The following STIM2 variants were observed in gnomAD, a reference collection of about 807,000 sequenced individuals.
STIM2 encodes the protein stromal interaction molecule 2.
In STIM2, 31 loss-of-function variants were observed where a neutral mutation model predicts 85.8. The ratio of observed to expected loss-of-function variants is 0.36; its 90% CI spans 0.27 to 0.49. STIM2 has a LOEUF of 0.49. Among genes scored for constraint, STIM2 ranks in the 20% least tolerant of loss-of-function variants. STIM2 has a pLI of 0.98. For missense variants in STIM2, 841 were observed against 927.6 expected, an observed-to-expected ratio of 0.91 and a Z score of 1.21; for synonymous variants, 356 against 331.1, an observed-to-expected ratio of 1.08 and a Z score of -0.82.
intron 2 of STIM2, among the ~76,000 whole-genome samples, chr4:26,949,686 A>G (rs1475221681): frequency 6.6e-6 from 1 of 152,016 alleles, no homozygotes; most frequent in Admixed American, 6.6e-5. Flanking sequence ...CAGGGTCTTT[A>G]TGGTTGAATT....
At chr4:26,884,601 A>C (rs191983188) in intron 1 of STIM2, among the ~76,000 whole-genome samples, 1 of 152,332 alleles carries the variant, frequency 6.6e-6, no homozygotes, top group East Asian at 1.9e-4. Flanking sequence ...TAGGCAGGGT[A>C]ATGTACAAGC....
At chr4:26,894,621 TGA>T (rs994922085) in intron 1 of STIM2, among the ~76,000 whole-genome samples, 1 of 152,166 alleles carries the variant, frequency 6.6e-6, no homozygotes, top group African/African-American at 2.4e-5. Context: ...TGTATGTGTG[TGA>T]GTCTGTTCTG....
intron 3 of STIM2, among the ~76,000 whole-genome samples, chr4:26,972,644 G>A (rs1243217859): frequency 6.6e-6 from 1 of 152,194 alleles, no homozygotes; most frequent in Non-Finnish European, 1.5e-5. Context: ...CGGTTTGCCA[G>A]TATTTTATTG....
At chr4:26,993,251 C>A (rs758577092) in intron 3 of STIM2, among the ~76,000 whole-genome samples, 16 of 152,050 alleles carry the variant, frequency 1.1e-4, no homozygotes, top group Non-Finnish European at 2.4e-4. Flanking sequence ...GTGGAAAACA[C>A]CCAGGGCCTG....
intron 1 of STIM2, among the ~76,000 whole-genome samples, chr4:26,869,227 A>G (rs1722515852): frequency 6.7e-6 from 1 of 149,672 alleles, no homozygotes; most frequent in Admixed American, 6.7e-5. Flanking sequence ...AGCCTGGGGG[A>G]AGTTAAGTCT....
chr4:26,866,129 C>G (rs1022299554), intron 1 of STIM2, among the ~76,000 whole-genome samples: 1 of 152,136 alleles, frequency 6.6e-6, no homozygotes, highest in South Asian at 2.1e-4. Context: ...CACCCAGGTA[C>G]TGAGCATAGT....
intron 3 of STIM2, among the ~76,000 whole-genome samples, chr4:26,988,540 C>G (rs1389525131): frequency 6.6e-6 from 1 of 152,178 alleles, no homozygotes; most frequent in Non-Finnish European, 1.5e-5. Flanking sequence ...ATTAGGACCA[C>G]TTAGCTTATT....
chr4:26,890,595 C>T (rs1194783488), intron 1 of STIM2, among the ~76,000 whole-genome samples: 3 of 151,978 alleles, frequency 2.0e-5, no homozygotes, highest in South Asian at 2.1e-4. Context: ...GAGGCCGAGG[C>T]GGGTGGATCA....
chr4:26,897,170 C>T (rs73116657), intron 1 of STIM2, among the ~76,000 whole-genome samples: 5,758 of 152,176 alleles, frequency 0.038, 253 homozygotes, highest in African/African-American at 0.11. Flanking sequence ...CATTCATGTC[C>T]AGGAGTGATG....
At chr4:26,961,207 G>A (rs896363555) in intron 3 of STIM2, among the ~76,000 whole-genome samples, 2 of 152,084 alleles carry the variant, frequency 1.3e-5, no homozygotes, top group South Asian at 2.1e-4. Flanking sequence ...GATGAGAACC[G>A]AGCAACAAGC....
intron 2 of STIM2, among the ~76,000 whole-genome samples, chr4:26,919,977 C>T (rs1021400074): frequency 6.6e-6 from 1 of 152,150 alleles, no homozygotes; most frequent in African/African-American, 2.4e-5. Flanking sequence ...TATTATTTCT[C>T]CTGATTCTGT....
At chr4:26,887,689 A>T (rs1449170997) in intron 1 of STIM2, among the ~76,000 whole-genome samples, 1 of 152,192 alleles carries the variant, frequency 6.6e-6, no homozygotes, top group African/African-American at 2.4e-5. Context: ...ACCAGAAGGA[A>T]TGAATGTATA....
intron 1 of STIM2, among the ~76,000 whole-genome samples, chr4:26,892,787 G>C (rs182531385): frequency 1.1e-3 from 164 of 152,252 alleles, no homozygotes; most frequent in African/African-American, 3.6e-3. Flanking sequence ...GAGTGAAAGT[G>C]TATTGCCTTT....
At chr4:26,862,585 T>C (rs1560546908) in intron 1 of STIM2, among the ~76,000 whole-genome samples, 1 of 152,216 alleles carries the variant, frequency 6.6e-6, no homozygotes, top group Non-Finnish European at 1.5e-5. Flanking sequence ...TGGTAAACTT[T>C]AAAAGCTTTG....
intron 2 of STIM2, among the ~76,000 whole-genome samples, chr4:26,932,300 A>G (rs2109075236): frequency 6.6e-6 from 1 of 152,348 alleles, no homozygotes; most frequent in Non-Finnish European, 1.5e-5. Context: ...CGTCTGTTTG[A>G]CAAGGAACTT....
At chr4:27,015,869 A>G (rs978491016) in intron 10 of STIM2, among the ~76,000 whole-genome samples, 1 of 151,202 alleles carries the variant, frequency 6.6e-6, no homozygotes, top group African/African-American at 2.4e-5. Flanking sequence ...AAAAAAAAAC[A>G]CTAGCCATTA....
chr4:26,888,963 A>G (rs141320428), intron 1 of STIM2, among the ~76,000 whole-genome samples: 8 of 152,318 alleles, frequency 5.3e-5, no homozygotes, highest in South Asian at 2.1e-4. Flanking sequence ...TGAGGAGTTC[A>G]AAGTGGCCAG....
chr4:26,915,394 C>T (rs1724498617), intron 1 of STIM2, among the ~76,000 whole-genome samples: 2 of 152,076 alleles, frequency 1.3e-5, no homozygotes, highest in South Asian at 4.1e-4. Flanking sequence ...GCCACTATGC[C>T]CGGCTAATTT....
rs142372644 is a variant in STIM2, at chr4:26,897,430, T to C, written c.152-22074T>C. ...TCTGTCATCTCTGTATCCTCTTTTT[T>C]CATGTCTTTCACTGCTTTTCTAATT... On this transcript the variant is annotated intron_variant, in intron 1 of 11. Transcript: ENST00000467087. Among the ~76,000 whole-genome samples, 22 of 152,368 alleles carry C rather than the reference T, an allele frequency of 1.4e-4. No individual in the cohort carries two copies. The East Asian group carries it at 4.2e-3, about 29-fold the overall frequency.
Sources: allele counts gnomAD v4.1 joint callset (sites outside exome capture counted in the v4.1 genomes callset), GRCh38; gene constraint gnomAD v4.1.1; transcripts MANE v1.5; gene names NCBI Gene and HGNC (gene_info 2026-07-23, HGNC 2026-07-21).